CNTLN: variants seen among roughly 807,000 people sequenced by gnomAD.
The protein encoded by CNTLN is centlein, centrosomal protein.
CNTLN carries 212 observed loss-of-function variants against 180.0 expected under a neutral mutation model. The ratio of observed to expected loss-of-function variants is 1.18; its 90% CI spans 1.05 to 1.32. The LOEUF is 1.32. CNTLN is among the 40% of genes most tolerant of loss of function. The pLI is 0.00. For missense variants in CNTLN, 2,095 were observed against 1,610.9 expected, an observed-to-expected ratio of 1.30 and a Z score of -5.14; for synonymous variants, 722 against 563.1, an observed-to-expected ratio of 1.28 and a Z score of -3.99.
At chr9:17,163,000 G>A (rs546070674) in intron 2 of CNTLN, among the ~76,000 whole-genome samples, 2 of 152,300 alleles carry the variant, frequency 1.3e-5, no homozygotes, top group South Asian at 2.1e-4. Context: ...GAAAAGAGGT[G>A]TAATTGATTC....
chr9:17,483,862 G>T (rs991203432), intron 23 of CNTLN, among the ~76,000 whole-genome samples: 7 of 152,124 alleles, frequency 4.6e-5, no homozygotes, highest in African/African-American at 1.7e-4. Context: ...AGTTCTTTCT[G>T]CAGTAATCTT....
intron 25 of CNTLN, among the ~76,000 whole-genome samples, chr9:17,495,568 G>A (rs1015431126): frequency 6.6e-6 from 1 of 151,808 alleles, no homozygotes. Context: ...GTTCTTACAT[G>A]AGTCAAAAAT....
intron 18 of CNTLN, 39 bp downstream of exon 18, chr9:17,416,228 T>C (rs1206611843): frequency 1.4e-6 from 2 of 1,470,166 alleles, no homozygotes; most frequent in Non-Finnish European, 9.3e-7. Flanking sequence ...GTATACTATA[T>C]TGTAAAAGTG....
intron 10 of CNTLN, 64 bp downstream of exon 10, chr9:17,332,794 T>C: frequency 4.5e-6 from 6 of 1,344,894 alleles, no homozygotes; most frequent in Non-Finnish European, 5.0e-6. Context: ...AAAGTAAACA[T>C]ACAGTTCATA....
chr9:17,431,492 G>A (rs939156997), intron 18 of CNTLN, among the ~76,000 whole-genome samples: 1 of 151,748 alleles, frequency 6.6e-6, no homozygotes, highest in African/African-American at 2.4e-5. Flanking sequence ...CATTATTTAC[G>A]TTGTCTCTTT....
intron 1 of CNTLN, among the ~76,000 whole-genome samples, chr9:17,135,939 CTCAGAGCCGGGAACTT>C (rs1817685140): frequency 1.3e-5 from 2 of 152,232 alleles, no homozygotes; most frequent in Admixed American, 1.3e-4. Flanking sequence ...TTTAGAAAGT[CTCAGAGCCGGGAACTT>C]AACAATAGAT....
intron 2 of CNTLN, among the ~76,000 whole-genome samples, chr9:17,152,127 A>T (rs1285369079): frequency 1.3e-5 from 2 of 151,926 alleles, no homozygotes; most frequent in African/African-American, 4.8e-5. Context: ...GCATTCACTG[A>T]GTTTTTGAAG....
intron 15 of CNTLN, among the ~76,000 whole-genome samples, chr9:17,397,068 C>T (rs1274860981): frequency 6.6e-6 from 1 of 152,150 alleles, no homozygotes; most frequent in Non-Finnish European, 1.5e-5. Context: ...TTGGTACTAC[C>T]ACACTATTCA....
chr9:17,270,712 C>G (rs141735813), intron 5 of CNTLN, among the ~76,000 whole-genome samples: 2 of 151,902 alleles, frequency 1.3e-5, no homozygotes, highest in Non-Finnish European at 1.5e-5. Context: ...ACCTTTAGGA[C>G]CAGATAAGGT....
intron 2 of CNTLN, among the ~76,000 whole-genome samples, chr9:17,197,029 GCTCT>G (rs916669720): frequency 1.3e-5 from 2 of 152,036 alleles, no homozygotes; most frequent in African/African-American, 4.8e-5. Context: ...TCATCATTCT[GCTCT>G]CTGTCTCCAT....
At chr9:17,362,203 G>T (rs1488555877) in intron 12 of CNTLN, among the ~76,000 whole-genome samples, 1 of 152,204 alleles carries the variant, frequency 6.6e-6, no homozygotes, top group African/African-American at 2.4e-5. Flanking sequence ...TTGGGTTAGT[G>T]ATCTGAGAGC....
the CNTLN span, among the ~76,000 whole-genome samples, chr9:17,516,989 C>T: frequency 6.6e-6 from 1 of 152,076 alleles, no homozygotes; most frequent in South Asian, 2.1e-4. Context: ...GCAGTGGGCA[C>T]TGCAATAAAT....
At chr9:17,178,494 G>A (rs1050977279) in intron 2 of CNTLN, among the ~76,000 whole-genome samples, 3 of 152,076 alleles carry the variant, frequency 2.0e-5, no homozygotes, top group Admixed American at 6.5e-5. Context: ...CGGGCTGCCC[G>A]GGATCCCACA....
intron 16 of CNTLN, among the ~76,000 whole-genome samples, chr9:17,411,628 C>A (rs1564082777): frequency 6.6e-6 from 1 of 152,144 alleles, no homozygotes; most frequent in Non-Finnish European, 1.5e-5. Flanking sequence ...TGAGCTCTGC[C>A]TCCCGTTAGA....
In CNTLN at chr9:17,158,342, A is replaced by G. The variant is rs186354502; in HGVS notation, c.449+14966A>G. ...TACATACCTATTTATAAGAGGTACT[A>G]TAGTTTTCTTTTCTTGTAATGTCTT... is the stretch of plus-strand genomic sequence containing the variant. On this transcript the variant is annotated intron_variant, in intron 2 of 25. Coordinates refer to ENST00000380647, the MANE Select transcript of CNTLN (RefSeq NM_017738.4). 8.4e-3 allele frequency among the ~76,000 whole-genome samples: 1,281 copies of G among 151,758 alleles called. 23 individuals carry two copies. Among genetic ancestry groups the G allele is most frequent in the African/African-American group, 0.028 (1,157 of 41,510 alleles).
Position 17,303,704 on chromosome 9 carries a change from G to A in CNTLN, c.1146+5352G>A, listed in dbSNP as rs144780261. On this transcript the variant is annotated intron_variant, in intron 7 of 25. Transcript: ENST00000380647. ...TCATTCTTATTCTAGAGCATTATAT[G>A]TATTGTCTTTATTCCTTGTCTACAC... Among the ~76,000 whole-genome samples the A allele has an allele frequency of 5.0e-3, 753 of 152,080 alleles. 4 individuals carry two copies. The highest frequency in any genetic ancestry group is 0.017 in the African/African-American group (700 of 41,508).
At chr9:17,156,245 C>A (rs1238802195) in intron 2 of CNTLN, among the ~76,000 whole-genome samples, 1 of 152,090 alleles carries the variant, frequency 6.6e-6, no homozygotes, top group African/African-American at 2.4e-5. Flanking sequence ...TTGAGTAGGC[C>A]AGTTTACAAA....
chr9:17,327,789 A>G (rs533465991), intron 8 of CNTLN, among the ~76,000 whole-genome samples: 1 of 152,034 alleles, frequency 6.6e-6, no homozygotes, highest in Non-Finnish European at 1.5e-5. Context: ...CCCCTTCTCT[A>G]CTAAAAATAC....
chr9:17,246,883 G>T (rs1278425853), intron 5 of CNTLN, among the ~76,000 whole-genome samples: 1 of 114,444 alleles, frequency 8.7e-6, no homozygotes, highest in Non-Finnish European at 1.7e-5. Flanking sequence ...TCCCTCAGAG[G>T]AGTGTTTTTT....
Sources: gnomAD v4.1 joint callset for allele counts (sites outside exome capture counted in the v4.1 genomes callset) on GRCh38, gnomAD v4.1.1 for gene constraint, MANE v1.5 for transcripts, NCBI Gene and HGNC (gene_info 2026-07-23, HGNC 2026-07-21) for gene names.